The following CEP128 variants were observed in gnomAD, a reference collection of about 807,000 sequenced individuals.
The protein encoded by CEP128 is centrosomal protein 128kDa.
In CEP128, 132 loss-of-function variants were observed where a neutral mutation model predicts 156.7. That is an observed-to-expected ratio of 0.84 (90% CI 0.73 to 0.97). The LOEUF is 0.97. Ranked by LOEUF, CEP128 falls within the 50% of genes least tolerant of loss-of-function variation. The pLI is 0.00. For synonymous variants in CEP128, 469 were observed against 448.9 expected, an observed-to-expected ratio of 1.04 and a Z score of -0.57; for missense variants, 1,252 against 1,281.9, an observed-to-expected ratio of 0.98 and a Z score of 0.36.
intron 2 of CEP128, chr14:80,957,770 A>T (rs1200038475): frequency 6.6e-6 from 1 of 152,260 alleles, no homozygotes; most frequent in East Asian, 1.9e-4. Flanking sequence ...GAAATTGTGT[A>T]AGATGACTGA....
chr14:80,604,165 T>C (rs1443134428), intron 19 of CEP128, among the ~76,000 whole-genome samples: 1 of 152,110 alleles, frequency 6.6e-6, no homozygotes, highest in Non-Finnish European at 1.5e-5. Context: ...GTGCCCAGAG[T>C]CATGAATCTA....
intron 2 of CEP128, chr14:80,956,057 A>G: frequency 1.6e-6 from 1 of 641,596 alleles, no homozygotes; most frequent in Admixed American, 2.3e-5. Context: ...TGACATCCTC[A>G]TTCCCAACAC....
rs554611006 is a variant in CEP128 at position 80,808,250 on chromosome 14, T to C, written c.1210-15140A>G. On this transcript the variant is annotated intron_variant, in intron 13 of 24. Transcript: ENST00000555265. ...CCAATACAGTAGCCAGATGTCTGCC[T>C]GTATGGGGCTGTGCATGGCAACTAT... Among the ~76,000 whole-genome samples the C allele has an allele frequency of 2.6e-5, 4 of 152,324 alleles. No homozygotes were observed. The East Asian group carries it at 7.7e-4, about 29-fold the overall frequency.
At chr14:80,869,991 T>A (rs1887948869) in intron 8 of CEP128, among the ~76,000 whole-genome samples, 1 of 151,932 alleles carries the variant, frequency 6.6e-6, no homozygotes, top group Non-Finnish European at 1.5e-5. Context: ...ACAAATTGGA[T>A]AACCTAGGAG....
chr14:80,478,766 A>T (rs576112538), intron 14 of CEP128, among the ~76,000 whole-genome samples: 2 of 152,364 alleles, frequency 1.3e-5, no homozygotes, highest in Non-Finnish European at 2.9e-5. Flanking sequence ...TCTCTGATAC[A>T]TAGGTAGATT....
At chr14:80,585,040 C>G (rs1419691765) in intron 19 of CEP128, among the ~76,000 whole-genome samples, 1 of 152,208 alleles carries the variant, frequency 6.6e-6, no homozygotes, top group Non-Finnish European at 1.5e-5. Context: ...AATGAAAGAT[C>G]TTTGGTAAAA....
At chr14:80,527,188 G>A (rs1889013671) in intron 22 of CEP128, 1 of 552,298 alleles carries the variant, frequency 1.8e-6, no homozygotes. Context: ...CAGCACTTTA[G>A]GAGGCCAAGG....
intron 7 of CEP128, among the ~76,000 whole-genome samples, chr14:80,898,162 A>G (rs1889436165): frequency 6.6e-6 from 1 of 152,240 alleles, no homozygotes; most frequent in African/African-American, 2.4e-5. Context: ...TTTGCTTCCC[A>G]GTGTACTTTT....
intron 19 of CEP128, among the ~76,000 whole-genome samples, chr14:80,738,326 T>C (rs1347985530): frequency 6.6e-6 from 1 of 152,118 alleles, no homozygotes; most frequent in Non-Finnish European, 1.5e-5. Flanking sequence ...GACCACCAAC[T>C]GTACAAGTAG....
intron 19 of CEP128, among the ~76,000 whole-genome samples, chr14:80,738,180 C>T (rs1475073748): frequency 2.0e-5 from 3 of 151,958 alleles, no homozygotes; most frequent in Non-Finnish European, 2.9e-5. Context: ...AAAAGTAAAC[C>T]AATATATAAA....
chr14:80,610,806 T>C (rs1892964910), intron 19 of CEP128, among the ~76,000 whole-genome samples: 1 of 152,124 alleles, frequency 6.6e-6, no homozygotes, highest in South Asian at 2.1e-4. Context: ...GGGAAACTTG[T>C]TAAATAAATT....
intron 8 of CEP128, among the ~76,000 whole-genome samples, chr14:80,890,416 C>A (rs2139368856): frequency 6.6e-6 from 1 of 152,250 alleles, no homozygotes; most frequent in Non-Finnish European, 1.5e-5. Flanking sequence ...GAAAATGTGG[C>A]ACATATACAC....
At chr14:80,802,781 G>A (rs1204417308) in intron 13 of CEP128, among the ~76,000 whole-genome samples, 1 of 152,138 alleles carries the variant, frequency 6.6e-6, no homozygotes, top group Non-Finnish European at 1.5e-5. Flanking sequence ...GATTAGGTAT[G>A]TGCTTGAGAA....
intron 13 of CEP128, among the ~76,000 whole-genome samples, chr14:80,817,637 C>T (rs1207509714): frequency 3.3e-5 from 5 of 152,126 alleles, no homozygotes; most frequent in Admixed American, 6.5e-5. Context: ...AATCCCAGTA[C>T]TTTGGGAGGC....
intron 2 of CEP128, among the ~76,000 whole-genome samples, chr14:80,937,710 G>A (rs1390128105): frequency 6.6e-6 from 1 of 152,086 alleles, no homozygotes. Flanking sequence ...TAGTATGAAT[G>A]TATTGTAACT....
intron 13 of CEP128, among the ~76,000 whole-genome samples, chr14:80,799,761 A>G (rs2139878950): frequency 6.6e-6 from 1 of 152,290 alleles, no homozygotes; most frequent in East Asian, 1.9e-4. Context: ...AGGGTGGGGA[A>G]AAACTCTGCC....
chr14:80,951,481 A>C (rs1195232442), intron 2 of CEP128, among the ~76,000 whole-genome samples: 1 of 152,142 alleles, frequency 6.6e-6, no homozygotes, highest in Non-Finnish European at 1.5e-5. Context: ...ACATGCTATA[A>C]ACCTTAAAGC....
At chr14:80,942,105 A>T (rs545431473), upstream of CEP128, among the ~76,000 whole-genome samples, 1 of 152,300 alleles carries the variant, frequency 6.6e-6, no homozygotes, top group South Asian at 2.1e-4. Context: ...AAGTAGAAAA[A>T]GGGCAAGGGA....
chr14:80,816,105 A>C (rs1312587692), intron 13 of CEP128, among the ~76,000 whole-genome samples: 1 of 152,146 alleles, frequency 6.6e-6, no homozygotes, highest in Non-Finnish European at 1.5e-5. Context: ...ATTTGTATAC[A>C]TTTTTTAAAG....
Sources: allele counts gnomAD v4.1 joint callset (sites outside exome capture counted in the v4.1 genomes callset), GRCh38; gene constraint gnomAD v4.1.1; transcripts MANE v1.5; gene names NCBI Gene and HGNC (gene_info 2026-07-23, HGNC 2026-07-21).